KANSL3: variants seen among roughly 807,000 people sequenced by gnomAD.
KANSL3 encodes NSL complex protein NSL3.
A neutral mutation model predicts 89.2 loss-of-function variants in KANSL3; 16 were observed. That is an observed-to-expected ratio of 0.18 (90% CI 0.12 to 0.27). The LOEUF is 0.27. Among genes scored for constraint, KANSL3 ranks in the 10% least tolerant of loss-of-function variants. KANSL3 has a pLI of 1.00. For synonymous variants in KANSL3, 385 were observed against 419.7 expected (o/e 0.92, Z 1.01); for missense variants, 879 against 1,110.6 (o/e 0.79, Z 2.96).
chr2:96,608,588 G>A lies in KANSL3; in HGVS notation c.1661C>T (p.Ser554Phe), dbSNP rs377047066. Residue 554 changes from serine (S) to phenylalanine (F), a missense_variant, in exon 14 of 21, where the codon TCC (serine) becomes TTC (phenylalanine). Physicochemically the swap from Ser to Phe is radical, Grantham distance 155. Around this residue, in one of 6 missense-constraint regions of KANSL3, gnomAD observed 317 missense variants for 311.2 expected, o/e 1.02. Transcript: ENST00000431828. ...KVTTVTSAQK[S>F]SQIGSSQLLK... ...CAGCTGAGAACTTCCAATCTGACTGGACTTCTGGGCAGAGGTCACTGTGGT... is the reference window on the plus strand; with the variant it reads ...CAGCTGAGAACTTCCAATCTGACTGAACTTCTGGGCAGAGGTCACTGTGGT... 143 of 1,613,910 alleles carry A rather than the reference G, an allele frequency of 8.9e-5. No individual in the cohort carries two copies. Among genetic ancestry groups the A allele is most frequent in the Non-Finnish European group, 1.2e-4 (142 of 1,179,900 alleles).
At chr2:96,592,635 C>A (rs1488540293), downstream of KANSL3, among the ~76,000 whole-genome samples, 1 of 152,246 alleles carries the variant, frequency 6.6e-6, no homozygotes. Flanking sequence ...TGACATCAGA[C>A]TGTCTGGGTT....
chr2:96,620,832 T>C (rs962315097), intron 3 of KANSL3, among the ~76,000 whole-genome samples: 1 of 151,478 alleles, frequency 6.6e-6, no homozygotes, highest in Non-Finnish European at 1.5e-5. Flanking sequence ...CAAAACCCCA[T>C]CTCTAAAAAA....
At chr2:96,588,263 C>T (rs182661300), downstream of KANSL3, among the ~76,000 whole-genome samples, 2 of 152,000 alleles carry the variant, frequency 1.3e-5, no homozygotes, top group African/African-American at 4.8e-5. Context: ...AGAAACAACA[C>T]CTTATCTACA....
In KANSL3 at chr2:96,619,576, G is replaced by A. The variant is rs771400565; in HGVS notation, c.478-32C>T. ...GATGTAAGTGGAAGTAATAAAACAT[G>A]AGGACTACCTGGTTAACAAGCAGGG... is the stretch of plus-strand genomic sequence containing the variant. On this transcript the variant is annotated intron_variant, in intron 4 of 20. Coordinates refer to ENST00000431828, the MANE Select transcript of KANSL3 (RefSeq NM_001115016.3). 6.2e-6 allele frequency: 10 copies of A among 1,610,900 alleles called. 1 individual carries two copies. The South Asian group carries it at 9.9e-5, about 16-fold the overall frequency.
the KANSL3 span, among the ~76,000 whole-genome samples, chr2:96,584,186 C>T: frequency 6.6e-6 from 1 of 152,090 alleles, no homozygotes; most frequent in African/African-American, 2.4e-5. Flanking sequence ...TTTAGAGACG[C>T]TCTTGCACAG....
chr2:96,595,418 G>T lies in KANSL3; in HGVS notation c.*193C>A. The T allele has an allele frequency of 1.8e-6, 1 of 560,810 alleles. No individual in the cohort carries two copies. The highest frequency in any genetic ancestry group is 3.2e-6 in the Non-Finnish European group (1 of 313,406). The allele number at this position is 560,810 out of a possible 1,614,324, so 34.7% of individuals were successfully genotyped here. A position where few individuals can be genotyped will look rare whatever the true frequency, so the allele number is the denominator to read the frequency against. On this transcript the variant is annotated 3_prime_UTR_variant, in exon 21 of 21. Transcript: ENST00000431828. ...ACCAGATTTGCAGATCCTGGACGAT[G>T]GTGCTTCCCTTGCTGGCACCGTATC...
intron 3 of KANSL3, among the ~76,000 whole-genome samples, chr2:96,625,499 C>T (rs1037296467): frequency 6.6e-6 from 1 of 152,094 alleles, no homozygotes; most frequent in Non-Finnish European, 1.5e-5. Flanking sequence ...CCAAAATTAT[C>T]CTGTTTTTAT....
intron 14 of KANSL3, 103 bp downstream of exon 14, chr2:96,608,405 C>T: frequency 8.4e-7 from 1 of 1,184,090 alleles, no homozygotes; most frequent in Non-Finnish European, 1.2e-6. Flanking sequence ...GCGCCTCTCA[C>T]ATCCCCCTGA....
At chr2:96,610,621 G>T (rs1310478221) in intron 11 of KANSL3, 105 bp downstream of exon 11, 5 of 1,368,112 alleles carry the variant, frequency 3.7e-6, no homozygotes, top group Non-Finnish European at 5.1e-6. Context: ...GGCTAATGCT[G>T]TCTTTTAACT....
chr2:96,624,569 T>A (rs947378763), intron 3 of KANSL3, among the ~76,000 whole-genome samples: 17 of 152,226 alleles, frequency 1.1e-4, no homozygotes, highest in Non-Finnish European at 2.2e-4. Context: ...TCGTCCAGGC[T>A]GGAGCGCAAT....
Position 96,595,496 on chromosome 2 carries a change from GTCTTAA to G in KANSL3, c.*109_*114del. On this transcript the variant is annotated 3_prime_UTR_variant, in exon 21 of 21. Coordinates refer to ENST00000431828, the MANE Select transcript of KANSL3 (RefSeq NM_001115016.3). ...AGTTGGCGGAGAGGCAAAAATGACT[GTCTTAA>G]ACAGGTCTTCCGACACGTGGACAGC... The G allele has an allele frequency of 8.9e-7, 1 of 1,125,686 alleles. No individual in the cohort carries two copies. Among genetic ancestry groups the G allele is most frequent in the South Asian group, 1.4e-5 (1 of 69,226 alleles). 69.7% of individuals were successfully genotyped at this position (1,125,686 alleles called of 1,614,324 possible). A position where few individuals can be genotyped will look rare whatever the true frequency, so the allele number is the denominator to read the frequency against.
rs59217274 is a variant in KANSL3 at position 96,611,903 on chromosome 2, A to ATGTGTGTGTGTGTGTGTGTGTGTGTGTG, written c.1086+351_1086+378dup. On this transcript the variant is annotated intron_variant, in intron 9 of 20. Coordinates refer to ENST00000431828, the MANE Select transcript of KANSL3 (RefSeq NM_001115016.3). ...TTTTTTTCCACAGATATATACCCAT[A>ATGTGTGTGTGTGTGTGTGTGTGTGTGTG]TGTGTGTGTGTGTGTGTGTGTGTGT... is the stretch of plus-strand genomic sequence containing the variant. Among the ~76,000 whole-genome samples, 59 of 113,322 alleles carry ATGTGTGTGTGTGTGTGTGTGTGTGTGTG rather than the reference A, an allele frequency of 5.2e-4. 1 individual carries two copies. Among genetic ancestry groups the ATGTGTGTGTGTGTGTGTGTGTGTGTGTG allele is most frequent in the African/African-American group, 1.9e-3 (52 of 27,162 alleles). 74.3% of individuals were successfully genotyped at this position (113,322 alleles called of 152,430 possible). A position where few individuals can be genotyped will look rare whatever the true frequency, so the allele number is the denominator to read the frequency against.
Position 96,602,137 on chromosome 2 carries a change from G to C in KANSL3, c.2461C>G (p.Gln821Glu). The change falls in exon 19 of 21, where the codon CAG (glutamine) becomes GAG (glutamate). Residue 821 changes from glutamine (Q) to glutamate (E), a missense_variant. By Grantham distance (29) the Gln-to-Glu change is conservative. Coordinates refer to ENST00000431828, the MANE Select transcript of KANSL3 (RefSeq NM_001115016.3). ...TCACCTGATGCTTGGTTAGAGATCT[G>C]AGCCAGGCCAGGGAGGCTGCTTGCC... The part of the protein sequence containing the change: ...KLASSLPGLA[Q>E]ISNQASGLKV... 1 of 1,586,310 alleles carries C rather than the reference G, an allele frequency of 6.3e-7. No homozygotes were observed.
chr2:96,608,906 G>A lies in KANSL3; in HGVS notation c.1542C>T (p.Ala514=). ...FEVPERGSRP[A]SPAAKLPASP... ...AGGCGGGCAGCTTGGCAGCTGGGGA[G>A]GCAGGTCGACTGCCCCGCTCAGGGA... The change falls in exon 13 of 21, where the codon GCC becomes GCT. Residue 514 remains alanine (A), a synonymous_variant. Transcript: ENST00000431828. The A allele has an allele frequency of 1.3e-6, 2 of 1,575,752 alleles. No homozygotes were observed. The highest frequency in any genetic ancestry group is 1.7e-6 in the Non-Finnish European group (2 of 1,160,812).
rs139111030 is a variant in KANSL3, at chr2:96,601,927, A to G, written c.2483-151T>C. 1.2e-4 allele frequency: 156 copies of G among 1,308,174 alleles called. No homozygotes were observed. The East Asian group carries it at 3.6e-3, about 30-fold the overall frequency. The allele number at this position is 1,308,174 out of a possible 1,614,324, so 81.0% of individuals were successfully genotyped here. ...TCTATGCCCTATCAGTCAATCTGAA[A>G]GGCAACAGGAAACAGCCTGTGTTCT... On this transcript the variant is annotated intron_variant, in intron 19 of 20. Coordinates refer to ENST00000431828, the MANE Select transcript of KANSL3 (RefSeq NM_001115016.3).
chr2:96,604,097 T>G, intron 17 of KANSL3, 153 bp downstream of exon 17: 1 of 778,550 alleles, frequency 1.3e-6, no homozygotes, highest in Admixed American at 3.4e-5. Flanking sequence ...CTGCCCAAGC[T>G]AATTCCAGCT....
chr2:96,635,145 A>G (rs781030367), intron 2 of KANSL3, among the ~76,000 whole-genome samples: 1 of 152,230 alleles, frequency 6.6e-6, no homozygotes, highest in Non-Finnish European at 1.5e-5. Context: ...CCTGCACTAT[A>G]ATATACTCAA....
chr2:96,601,682 G>A lies in KANSL3; in HGVS notation c.2577C>T (p.Ser859=), dbSNP rs779633430. The part of the protein sequence containing the change: ...LSPMGSGAAP[S]EESSSQVLPS... Reference sequence around the variant, plus strand: ...GCAGCACCTGGGAAGAGGACTCCTCGGATGGGGCTGCTCCTGAGCCCATAG... The same window carrying A: ...GCAGCACCTGGGAAGAGGACTCCTCAGATGGGGCTGCTCCTGAGCCCATAG... Residue 859 remains serine (S), a synonymous_variant, in exon 20 of 21, where the codon TCC becomes TCT. Coordinates refer to ENST00000431828, the MANE Select transcript of KANSL3 (RefSeq NM_001115016.3). 1.2e-5 allele frequency: 19 copies of A among 1,613,324 alleles called. No homozygotes were observed. Among genetic ancestry groups the A allele is most frequent in the South Asian group, 2.2e-5 (2 of 90,964 alleles).
chr2:96,611,721 A>G (rs947909399), intron 9 of KANSL3, among the ~76,000 whole-genome samples: 8 of 152,196 alleles, frequency 5.3e-5, no homozygotes, highest in Non-Finnish European at 8.8e-5. Flanking sequence ...AAATATATGT[A>G]AAATACGAAA....
Sources: gnomAD v4.1 joint callset for allele counts (sites outside exome capture counted in the v4.1 genomes callset) on GRCh38, gnomAD v4.1.1 for gene constraint, gnomAD v4.1.1 regional missense constraint, MANE v1.5 for transcripts, NCBI Gene and HGNC (gene_info 2026-07-23, HGNC 2026-07-21) for gene names.